The following FAM151B variants were observed in gnomAD, a reference collection of about 807,000 sequenced individuals.
FAM151B encodes the protein family with sequence similarity 151 member B, also known as protein FAM151B.
Under a neutral mutation model 31.2 loss-of-function variants are expected in FAM151B, and 24 were observed. The observed-to-expected ratio is 0.77, with a 90% CI of 0.56 to 1.08. The LOEUF (loss-of-function observed/expected upper bound fraction) is 1.08, where lower values mean the gene tolerates loss of function less well. Ranked by LOEUF, FAM151B falls within the 50% of genes least tolerant of loss-of-function variation. FAM151B has a pLI of 0.00. For synonymous variants in FAM151B, 105 were observed against 111.4 expected (o/e 0.94, Z 0.36); for missense variants, 293 against 328.6 (o/e 0.89, Z 0.84).
At chr5:80,503,386 T>G (rs143423532) in intron 2 of FAM151B, among the ~76,000 whole-genome samples, 2 of 152,146 alleles carry the variant, frequency 1.3e-5, no homozygotes, top group African/African-American at 4.8e-5. Context: ...TTAGGCAACA[T>G]AGTGAGACCC....
At chr5:80,525,875 C>CAT (rs34660139) in intron 5 of FAM151B, among the ~76,000 whole-genome samples, 504 of 148,172 alleles carry the variant, frequency 3.4e-3, no homozygotes, top group African/African-American at 6.6e-3. Flanking sequence ...TGCCTGTATG[C>CAT]ATATATATAT....
chr5:80,511,281 G>A (rs1744174120), intron 2 of FAM151B, among the ~76,000 whole-genome samples: 1 of 151,824 alleles, frequency 6.6e-6, no homozygotes, highest in African/African-American at 2.4e-5. Flanking sequence ...AGACCAACCT[G>A]GGCAACACAG....
intron 5 of FAM151B, among the ~76,000 whole-genome samples, chr5:80,533,362 G>A (rs555036518): frequency 1.3e-5 from 2 of 151,936 alleles, no homozygotes; most frequent in East Asian, 3.9e-4. Flanking sequence ...AGGTGACAAA[G>A]CGAGACTCCA....
Position 80,500,483 on chromosome 5 carries a change from G to A in FAM151B, c.26-1309G>A, listed in dbSNP as rs1031123119. On this transcript the variant is annotated intron_variant, in intron 1 of 5. Transcript: ENST00000282226. ...AAAGGCAAGGAGGAAGCTTATCTGTGAAAAAGCAAAACACTGTCACAAGGA... is the reference window on the plus strand; with the variant it reads ...AAAGGCAAGGAGGAAGCTTATCTGTAAAAAAGCAAAACACTGTCACAAGGA... 3 of 803,834 alleles carry A rather than the reference G, an allele frequency of 3.7e-6. No individual in the cohort carries two copies. In the African/African-American group the frequency reaches 5.0e-5, roughly 14 times the overall value. The allele number at this position is 803,834 out of a possible 1,614,324, so 49.8% of individuals were successfully genotyped here. A position where few individuals can be genotyped will look rare whatever the true frequency, so the allele number is the denominator to read the frequency against.
chr5:80,498,481 G>A (rs778571540), intron 1 of FAM151B: 11 of 661,130 alleles, frequency 1.7e-5, no homozygotes, highest in Non-Finnish European at 2.6e-5. Flanking sequence ...TTTTTTGGGG[G>A]GCTTTTAAAA....
chr5:80,535,260 A>C (rs1163144369), intron 5 of FAM151B, among the ~76,000 whole-genome samples: 1 of 152,220 alleles, frequency 6.6e-6, no homozygotes, highest in Non-Finnish European at 1.5e-5. Context: ...CCTAAACTGT[A>C]TATGGAACCA....
intron 5 of FAM151B, among the ~76,000 whole-genome samples, chr5:80,534,147 C>T (rs753853948): frequency 6.6e-6 from 1 of 151,992 alleles, no homozygotes. Context: ...CCCTGGGACC[C>T]GATGGCTTCA....
At chr5:80,514,667 A>G (rs185243558) in intron 3 of FAM151B, among the ~76,000 whole-genome samples, 52 of 152,150 alleles carry the variant, frequency 3.4e-4, no homozygotes, top group African/African-American at 1.2e-3. Context: ...TCAGAAGCAC[A>G]CTGTAAAGCT....
intron 2 of FAM151B, among the ~76,000 whole-genome samples, chr5:80,502,659 G>A (rs1287689240): frequency 6.6e-6 from 1 of 152,132 alleles, no homozygotes; most frequent in African/African-American, 2.4e-5. Context: ...GAGAAAGAAA[G>A]CATATCACTA....
At chr5:80,522,384 C>T (rs1381535207) in intron 5 of FAM151B, 1 of 354,830 alleles carries the variant, frequency 2.8e-6, no homozygotes, top group Non-Finnish European at 5.0e-6. Context: ...AGTAGGTGCT[C>T]AGTAAGTGTT....
At chr5:80,531,086 G>A (rs1016655011) in intron 5 of FAM151B, among the ~76,000 whole-genome samples, 16 of 152,016 alleles carry the variant, frequency 1.1e-4, no homozygotes, top group African/African-American at 2.9e-4. Flanking sequence ...GAGACCGCAC[G>A]TCTGCAACCA....
intron 2 of FAM151B, chr5:80,505,985 TG>T: frequency 1.8e-6 from 1 of 562,460 alleles, no homozygotes; most frequent in South Asian, 5.0e-5. Flanking sequence ...CTCGAACTCC[TG>T]ACCTCATGAT....
In FAM151B at chr5:80,541,988, CT is replaced by C; in HGVS notation, c.*158del. 1 of 716,530 alleles carries C rather than the reference CT, an allele frequency of 1.4e-6. No homozygotes were observed. The highest frequency in any genetic ancestry group is 2.2e-6 in the Non-Finnish European group (1 of 449,106). The allele number at this position is 716,530 out of a possible 1,614,324, so 44.4% of individuals were successfully genotyped here. Reference sequence around the variant, plus strand: ...TATGCTTACTCTGTGGGCATATGTCCTTATAATAGTGCACTTACATAAAAGA... The same window carrying C: ...TATGCTTACTCTGTGGGCATATGTCCTATAATAGTGCACTTACATAAAAGA... On this transcript the variant is annotated 3_prime_UTR_variant, in exon 6 of 6. Transcript: ENST00000282226.
chr5:80,501,176 G>A, intron 1 of FAM151B: 1 of 339,130 alleles, frequency 2.9e-6, no homozygotes, highest in South Asian at 3.2e-5. Context: ...ACCACACCTG[G>A]CTAATTTTTT....
chr5:80,519,694 C>G lies in FAM151B; in HGVS notation c.319C>G (p.Leu107Val), dbSNP rs140590303. 4.3e-6 allele frequency: 7 copies of G among 1,611,542 alleles called. No individual in the cohort carries two copies. In the African/African-American group the frequency reaches 5.3e-5, roughly 12 times the overall value. ...NKGIKLDFKS[L>V]AVVEPSMMLL... ...ATTGACAACAAATTATGTTTTTAGT[C>G]TGGCAGTTGTAGAACCATCCATGAT... The change falls in exon 4 of 6, where the codon CTG becomes GTG. Residue 107 changes from leucine (L) to valine (V), a missense_variant and splice_region_variant. Transcript: ENST00000282226.
intron 5 of FAM151B, among the ~76,000 whole-genome samples, chr5:80,538,941 C>G: frequency 1.3e-5 from 2 of 150,730 alleles, no homozygotes; most frequent in Middle Eastern, 6.9e-3. Context: ...TGTCATACAC[C>G]TTGCTTCTTG....
rs547288230 is a variant in FAM151B, at chr5:80,504,582, A to G, written c.151+2665A>G. Among the ~76,000 whole-genome samples, 3 of 134,370 alleles carry G rather than the reference A, an allele frequency of 2.2e-5. No individual in the cohort carries two copies. In the South Asian group the frequency reaches 6.7e-4, roughly 30 times the overall value. The allele number at this position is 134,370 out of a possible 152,430, so 88.2% of individuals were successfully genotyped here. On this transcript the variant is annotated intron_variant, in intron 2 of 5. Coordinates refer to ENST00000282226, the MANE Select transcript of FAM151B (RefSeq NM_205548.3). Reference sequence around the variant, plus strand: ...TGTCGCCAGGCTGGAGTGCAGTGGCACGATCTATGCTCACTGCAACCTCTG... The same window carrying G: ...TGTCGCCAGGCTGGAGTGCAGTGGCGCGATCTATGCTCACTGCAACCTCTG...
chr5:80,522,121 G>A lies in FAM151B; in HGVS notation c.654G>A (p.Leu218=), dbSNP rs148276509. Residue 218 remains leucine (L), a synonymous_variant, in exon 5 of 6, where the codon CTG becomes CTA. Transcript: ENST00000282226. ...VRQSCSQLLW[L]LKKSNRYSLT... ...AGTCTTGTTCTCAGTTACTTTGGCT[G>A]TTAAAGAAATCAAACAGGTATGTAA... 3.1e-5 allele frequency: 50 copies of A among 1,612,554 alleles called. No homozygotes were observed. In the African/African-American group the frequency reaches 5.2e-4, roughly 17 times the overall value.
At chr5:80,523,275 T>C (rs1744802595) in intron 5 of FAM151B, among the ~76,000 whole-genome samples, 1 of 152,194 alleles carries the variant, frequency 6.6e-6, no homozygotes, top group East Asian at 1.9e-4. Context: ...CCCCAATGTG[T>C]ATGTCAGAGA....
Sources: gnomAD v4.1 joint callset for allele counts (sites outside exome capture counted in the v4.1 genomes callset) on GRCh38, gnomAD v4.1.1 for gene constraint, MANE v1.5 for transcripts, NCBI Gene and HGNC (gene_info 2026-07-23, HGNC 2026-07-21) for gene names.